RGPD2: variants seen among roughly 807,000 people sequenced by gnomAD.
The protein encoded by RGPD2 is RANBP2-like and GRIP domain-containing protein 2.
RGPD2 carries 2 observed loss-of-function variants against 36.0 expected under a neutral mutation model. That is an observed-to-expected ratio of 0.06 (90% confidence interval 0.02 to 0.17). The LOEUF (loss-of-function observed/expected upper bound fraction) is 0.17. RGPD2 is among the 10% of genes least tolerant of loss of function. RGPD2 has a pLI of 1.00. For synonymous variants in RGPD2, 19 were observed against 163.8 expected (o/e 0.12, Z 6.75); for missense variants, 40 against 464.3 (o/e 0.09, Z 8.40).
chr2:87,834,314 C>T, the RGPD2 span, among the ~76,000 whole-genome samples: 2 of 152,064 alleles, frequency 1.3e-5, no homozygotes, highest in Non-Finnish European at 2.9e-5. Flanking sequence ...TATCTGTGCA[C>T]ACCATTTGAA....
At chr2:87,882,945 T>G in the RGPD2 span, among the ~76,000 whole-genome samples, 9 of 151,750 alleles carry the variant, frequency 5.9e-5, no homozygotes, top group Admixed American at 3.9e-4. Flanking sequence ...ATTTTGTAGC[T>G]TAACTGAACT....
At chr2:87,971,526 A>G in the RGPD2 span, among the ~76,000 whole-genome samples, 1 of 139,028 alleles carries the variant, frequency 7.2e-6, no homozygotes, top group Non-Finnish European at 1.5e-5. Flanking sequence ...AAATGAAGTT[A>G]TGGAAATTAC....
the RGPD2 span, among the ~76,000 whole-genome samples, chr2:87,985,213 T>C: frequency 6.0e-5 from 9 of 149,584 alleles, no homozygotes; most frequent in African/African-American, 2.2e-4. Flanking sequence ...GAGTAGATGG[T>C]ATAAGTACAG....
upstream of RGPD2, among the ~76,000 whole-genome samples, chr2:87,829,496 A>G (rs1208932083): frequency 6.6e-6 from 1 of 151,682 alleles, no homozygotes; most frequent in African/African-American, 2.4e-5. Context: ...ACAGTAATTT[A>G]AAAAAACAAA....
At chr2:87,914,847 G>A in the RGPD2 span, among the ~76,000 whole-genome samples, 1 of 151,876 alleles carries the variant, frequency 6.6e-6, no homozygotes, top group Non-Finnish European at 1.5e-5. Context: ...CAAACACCCA[G>A]AGAAGTCCTG....
the RGPD2 span, among the ~76,000 whole-genome samples, chr2:87,879,070 A>G: frequency 6.6e-6 from 1 of 152,236 alleles, no homozygotes; most frequent in Non-Finnish European, 1.5e-5. Flanking sequence ...TGCCATACCG[A>G]TTTTATTTCC....
At chr2:87,922,137 C>A in the RGPD2 span, among the ~76,000 whole-genome samples, 1 of 151,190 alleles carries the variant, frequency 6.6e-6, no homozygotes, top group East Asian at 1.9e-4. Context: ...ACTAAAAATG[C>A]AAAAAATTAG....
chr2:87,964,815 A>ATTTTT, the RGPD2 span, among the ~76,000 whole-genome samples: 7 of 77,940 alleles, frequency 9.0e-5, no homozygotes, highest in African/African-American at 1.1e-4. Flanking sequence ...TTATTTATTT[A>ATTTTT]TTTTTCTTTT....
chr2:87,836,027 G>A, the RGPD2 span, among the ~76,000 whole-genome samples: 1 of 149,970 alleles, frequency 6.7e-6, no homozygotes, highest in African/African-American at 2.5e-5. Flanking sequence ...GAAAGTGAGA[G>A]AGAGCAAACA....
At chr2:87,961,696 T>TAA in the RGPD2 span, among the ~76,000 whole-genome samples, 2 of 50,992 alleles carry the variant, frequency 3.9e-5, no homozygotes, top group African/African-American at 6.4e-5. Context: ...TAAGACTTCC[T>TAA]AAAAAAAAAA....
chr2:87,882,989 CTT>C, the RGPD2 span, among the ~76,000 whole-genome samples: 77 of 151,928 alleles, frequency 5.1e-4, no homozygotes, highest in East Asian at 0.011. Flanking sequence ...TTAGTGGAGT[CTT>C]TAGGATTTTC....
chr2:87,986,541 G>T, the RGPD2 span, among the ~76,000 whole-genome samples: 2 of 151,906 alleles, frequency 1.3e-5, no homozygotes, highest in East Asian at 3.9e-4. Context: ...ATTACTAACT[G>T]CTCCCCTTCA....
the RGPD2 span, among the ~76,000 whole-genome samples, chr2:87,894,677 A>C: frequency 6.6e-6 from 1 of 151,096 alleles, no homozygotes; most frequent in Non-Finnish European, 1.5e-5. Flanking sequence ...ATGTTTTAAT[A>C]ATTATGCAAG....
chr2:87,929,169 T>A, the RGPD2 span, among the ~76,000 whole-genome samples: 3,187 of 151,858 alleles, frequency 0.021, 120 homozygotes, highest in African/African-American at 0.073. Flanking sequence ...CTTCCAGGGT[T>A]TTTTTTATAG....
the RGPD2 span, among the ~76,000 whole-genome samples, chr2:87,836,701 C>G: frequency 3.4e-3 from 519 of 151,754 alleles, 2 homozygotes; most frequent in African/African-American, 0.012. Flanking sequence ...AACTAGCTTA[C>G]AACACAATAA....
chr2:87,972,969 C>T, the RGPD2 span: 9 of 1,614,048 alleles, frequency 5.6e-6, no homozygotes, highest in African/African-American at 6.7e-5. Flanking sequence ...TGCCATGGGG[C>T]TGGTCCTTTC....
Position 87,825,735 on chromosome 2 carries a change from C to G in RGPD2, c.-6G>C. The G allele has an allele frequency of 6.3e-7, 1 of 1,597,186 alleles. No individual in the cohort carries two copies. The highest frequency in any genetic ancestry group is 8.5e-7 in the Non-Finnish European group (1 of 1,172,320). On this transcript the variant is annotated 5_prime_UTR_variant, in exon 1 of 23. Coordinates refer to ENST00000398146, the MANE Select transcript of RGPD2 (RefSeq NM_001078170.3). ...TAGGCTTTGCTGCGCCTCATCGCAC[C>G]GCCAACCTGGCTCCCGAGACGCGTG...
chr2:87,876,386 A>G, the RGPD2 span, among the ~76,000 whole-genome samples: 1 of 152,190 alleles, frequency 6.6e-6, no homozygotes, highest in Admixed American at 6.5e-5. Context: ...TTTCCCTCTG[A>G]ACACTGCTTT....
chr2:87,988,543 T>TATATATATA, the RGPD2 span, among the ~76,000 whole-genome samples: 5 of 27,818 alleles, frequency 1.8e-4, 1 homozygote, highest in East Asian at 3.1e-3. Context: ...ATATATATAT[T>TATATATATA]TTTTTTTTTT....
Sources: allele counts gnomAD v4.1 joint callset (sites outside exome capture counted in the v4.1 genomes callset), GRCh38; gene constraint gnomAD v4.1.1; transcripts MANE v1.5; gene names NCBI Gene and HGNC (gene_info 2026-07-23, HGNC 2026-07-21).